CCT4: variants seen among roughly 807,000 people sequenced by gnomAD.
CCT4 encodes T-complex protein 1 subunit delta.
A neutral mutation model predicts 62.5 loss-of-function variants in CCT4; 17 were observed. The ratio of observed to expected loss-of-function variants is 0.27; its 90% CI spans 0.19 to 0.41. The LOEUF is 0.41. CCT4 is among the 10% of genes least tolerant of loss of function. The probability of loss-of-function intolerance (pLI) is 1.00; values close to 1 mark genes in which losing one functional copy is unlikely to be tolerated. For synonymous variants in CCT4, 250 were observed against 229.9 expected, an observed-to-expected ratio of 1.09 and a Z score of -0.79; for missense variants, 592 against 659.2, an observed-to-expected ratio of 0.90 and a Z score of 1.12.
intron 8 of CCT4, among the ~76,000 whole-genome samples, chr2:61,874,137 G>T (rs1287049925): frequency 6.6e-6 from 1 of 152,122 alleles, no homozygotes; most frequent in African/African-American, 2.4e-5. Context: ...ATACTAGAAA[G>T]GTAGATATTA....
intron 10 of CCT4, 109 bp downstream of exon 10, chr2:61,872,893 C>CTTGGA: frequency 1.3e-6 from 1 of 744,552 alleles, no homozygotes; most frequent in Non-Finnish European, 2.4e-6. Context: ...TGCCACTGCA[C>CTTGGA]TCCAACCTGG....
intron 2 of CCT4, among the ~76,000 whole-genome samples, chr2:61,884,733 A>T (rs1486487649): frequency 6.6e-6 from 1 of 151,320 alleles, no homozygotes; most frequent in Non-Finnish European, 1.5e-5. Context: ...GGTTCAAGCA[A>T]TTCTCCTGCC....
rs568707844 is a variant in CCT4, at chr2:61,881,683, T to A, written c.271-1289A>T. ...ATTTTTTAAGTAAGCTCACAGTATA[T>A]ACGTAATTTTATCTTTTTTCATGTA... is the stretch of plus-strand genomic sequence containing the variant. On this transcript the variant is annotated intron_variant, in intron 3 of 13. Coordinates refer to ENST00000394440, the MANE Select transcript of CCT4 (RefSeq NM_006430.4). Among the ~76,000 whole-genome samples the A allele has an allele frequency of 1.5e-4, 23 of 152,284 alleles. No homozygotes were observed. In the South Asian group the frequency reaches 4.8e-3, roughly 32 times the overall value.
intron 3 of CCT4, among the ~76,000 whole-genome samples, chr2:61,881,377 C>T (rs58299421): frequency 0.014 from 2,146 of 152,196 alleles, 48 homozygotes; most frequent in African/African-American, 0.049. Context: ...CCGCCTCAGC[C>T]TCCCAAAGTG....
rs947885098 is a variant in CCT4 at position 61,884,334 on chromosome 2, C to T, written c.180+686G>A. ...TTTTTTTTGGTTTGAGATGGAGTCT[C>T]GCTCCATTGCCCAGGCTGGAGTGCA... is the stretch of plus-strand genomic sequence containing the variant. On this transcript the variant is annotated intron_variant, in intron 2 of 13. Transcript: ENST00000394440. Among the ~76,000 whole-genome samples the T allele has an allele frequency of 8.5e-5, 13 of 152,080 alleles. No homozygotes were observed. In the East Asian group the frequency reaches 1.5e-3, roughly 18 times the overall value.
intron 13 of CCT4, among the ~76,000 whole-genome samples, chr2:61,869,147 A>C (rs1366798239): frequency 2.1e-5 from 3 of 144,654 alleles, no homozygotes; most frequent in Non-Finnish European, 4.5e-5. Context: ...GTCTCAGAAA[A>C]AAAAAAAAAA....
chr2:61,877,651 G>A, intron 5 of CCT4, 137 bp from the exon 6 acceptor site: 1 of 589,180 alleles, frequency 1.7e-6, no homozygotes, highest in Non-Finnish European at 2.8e-6. Flanking sequence ...ACACTCATGA[G>A]AAGACAGTCC....
At position 61,872,135 on chromosome 2, in the gene CCT4, G is replaced by C; in HGVS notation, c.1438C>G (p.Leu480Val). 6.2e-7 allele frequency: 1 copy of C among 1,613,988 alleles called. No individual in the cohort carries two copies. Residue 480 changes from leucine (L) to valine (V), a missense_variant, in exon 12 of 14, where the codon CTA (leucine) becomes GTA (valine). Leu to Val is a conservative substitution (Grantham distance 32, BLOSUM62 1). Coordinates refer to ENST00000394440, the MANE Select transcript of CCT4 (RefSeq NM_006430.4). ...GLNPISTVTE[L>V]RNRHAQGEKT... ...TCTCCCTGGGCATGCCGGTTTCTTA[G>C]TTCTGTTACTGTAGAAATGGGATTC... is the stretch of plus-strand genomic sequence containing the variant.
At chr2:61,886,626 C>A (rs1232918882) in intron 1 of CCT4, among the ~76,000 whole-genome samples, 2 of 152,182 alleles carry the variant, frequency 1.3e-5, no homozygotes, top group African/African-American at 4.8e-5. Flanking sequence ...ACTTAGGTGG[C>A]CTTTCCTTCC....
intron 3 of CCT4, among the ~76,000 whole-genome samples, chr2:61,882,774 G>C (rs1305969087): frequency 2.6e-5 from 4 of 151,618 alleles, no homozygotes; most frequent in Non-Finnish European, 4.4e-5. Context: ...GCCTCCCAAA[G>C]TGCCGGGATT....
intron 5 of CCT4, among the ~76,000 whole-genome samples, chr2:61,878,014 G>A (rs998792395): frequency 8.5e-5 from 13 of 152,158 alleles, no homozygotes; most frequent in Admixed American, 2.0e-4. Flanking sequence ...GCCAAACAGC[G>A]TAGTTAAGTG....
chr2:61,888,455 C>A lies in CCT4; in HGVS notation c.53G>T (p.Gly18Val). 1 of 1,611,580 alleles carries A rather than the reference C, an allele frequency of 6.2e-7. No individual in the cohort carries two copies. The highest frequency in any genetic ancestry group is 8.5e-7 in the Non-Finnish European group (1 of 1,179,210). The change falls in exon 1 of 14, where the codon GGC becomes GTC. Residue 18 changes from glycine (G) to valine (V), a missense_variant. Around this residue, in one of 3 missense-constraint regions of CCT4, gnomAD observed 67 missense variants for 71.1 expected, o/e 0.94. Coordinates refer to ENST00000394440, the MANE Select transcript of CCT4 (RefSeq NM_006430.4). ...RSGATAGAAG[G>V]RGKGAYQDRD... ...GTCCTGATAGGCGCCTTTCCCGCGGCCGCCGGCAGCCCCGGCAGTCGCCCC... is the reference window on the plus strand; with the variant it reads ...GTCCTGATAGGCGCCTTTCCCGCGGACGCCGGCAGCCCCGGCAGTCGCCCC...
intron 1 of CCT4, 65 bp downstream of exon 1, chr2:61,888,316 A>C: frequency 6.4e-7 from 1 of 1,561,384 alleles, no homozygotes; most frequent in East Asian, 2.3e-5. Context: ...AAACCCGCTC[A>C]AGCCCACGAT....
intron 4 of CCT4, among the ~76,000 whole-genome samples, chr2:61,879,751 T>TC (rs1251337635): frequency 1.3e-5 from 2 of 151,872 alleles, no homozygotes; most frequent in African/African-American, 4.8e-5. Flanking sequence ...TCATTTCTTT[T>TC]TTTTTTTTTG....
chr2:61,882,847 G>A (rs1383160160), intron 3 of CCT4, among the ~76,000 whole-genome samples: 1 of 150,774 alleles, frequency 6.6e-6, no homozygotes, highest in East Asian at 1.9e-4. Context: ...CTGTCACTCA[G>A]AATGGAGTGT....
At chr2:61,884,451 C>A (rs569139114) in intron 2 of CCT4, among the ~76,000 whole-genome samples, 79 of 151,836 alleles carry the variant, frequency 5.2e-4, no homozygotes, top group African/African-American at 1.8e-3. Context: ...ACTGGGATTA[C>A]AGGTGCCCGC....
chr2:61,878,750 A>G (rs1669050591), intron 5 of CCT4, 119 bp downstream of exon 5: 6 of 638,772 alleles, frequency 9.4e-6, no homozygotes, highest in Non-Finnish European at 1.0e-5. Flanking sequence ...AATTATACAG[A>G]TTATAACAGT....
chr2:61,884,095 G>A lies in CCT4; in HGVS notation c.181-547C>T, dbSNP rs376306973. On this transcript the variant is annotated intron_variant, in intron 2 of 13. Transcript: ENST00000394440. ...TTTATCTCACAGAGACCCACATTAA[G>A]ATACAAAGTTACATCCATAAGGAAC... Among the ~76,000 whole-genome samples, 525 of 147,318 alleles carry A rather than the reference G, an allele frequency of 3.6e-3. 3 individuals are homozygous for A. Among genetic ancestry groups the A allele is most frequent in the Non-Finnish European group, 5.0e-3 (323 of 64,766 alleles).
At position 61,881,177 on chromosome 2, in the gene CCT4, C is replaced by T. The variant is rs1048938044; in HGVS notation, c.271-783G>A. ...TATCCAAGAAAACAGCAAAACTTCA[C>T]GTAGCAGTGAAGTTTTGTTTTATTT... is the stretch of plus-strand genomic sequence containing the variant. On this transcript the variant is annotated intron_variant, in intron 3 of 13. Transcript: ENST00000394440. 1.1e-4 allele frequency among the ~76,000 whole-genome samples: 16 copies of T among 151,370 alleles called. 1 individual carries two copies. The highest frequency in any genetic ancestry group is 3.2e-4 in the African/African-American group (13 of 41,112).
Sources: gnomAD v4.1 joint callset for allele counts (sites outside exome capture counted in the v4.1 genomes callset) on GRCh38, gnomAD v4.1.1 for gene constraint, gnomAD v4.1.1 regional missense constraint, MANE v1.5 for transcripts, NCBI Gene and HGNC (gene_info 2026-07-23, HGNC 2026-07-21) for gene names.